FYB1: variants seen among roughly 807,000 people sequenced by gnomAD.
FYB1 encodes FYN-binding protein 1.
A neutral mutation model predicts 94.1 loss-of-function variants in FYB1; 41 were observed. The observed-to-expected ratio is 0.44, with a 90% CI of 0.34 to 0.57. The LOEUF is 0.57. FYB1 is among the 20% of genes least tolerant of loss of function. The probability of loss-of-function intolerance (pLI) is 0.02; values close to 1 mark genes in which losing one functional copy is unlikely to be tolerated. For missense variants in FYB1, 1,050 were observed against 976.8 expected, an observed-to-expected ratio of 1.07 and a Z score of -1.00; for synonymous variants, 367 against 353.2, an observed-to-expected ratio of 1.04 and a Z score of -0.44.
intron 9 of FYB1, among the ~76,000 whole-genome samples, chr5:39,130,848 G>T (rs564954434): frequency 6.6e-6 from 1 of 152,164 alleles, no homozygotes; most frequent in African/African-American, 2.4e-5. Context: ...CACTATATAT[G>T]ATATAGAAAA....
chr5:39,242,248 T>C (rs1426464740), intron 1 of FYB1, among the ~76,000 whole-genome samples: 2 of 151,922 alleles, frequency 1.3e-5, no homozygotes, highest in Admixed American at 6.6e-5. Flanking sequence ...TATTAACTTG[T>C]CATTTACATT....
upstream of FYB1, among the ~76,000 whole-genome samples, chr5:39,220,914 G>A (rs998811813): frequency 5.9e-5 from 9 of 152,268 alleles, no homozygotes; most frequent in Admixed American, 2.6e-4. Context: ...GACAATGATG[G>A]TAACAATGAT....
intron 2 of FYB1, among the ~76,000 whole-genome samples, chr5:39,159,768 C>T (rs548028447): frequency 6.6e-6 from 1 of 152,086 alleles, no homozygotes; most frequent in Non-Finnish European, 1.5e-5. Flanking sequence ...CCCATCAGTG[C>T]CTGCTTCCTT....
At position 39,143,678 on chromosome 5, in the gene FYB1, G is replaced by A. The variant is rs530016164; in HGVS notation, c.1293-2537C>T. 6.3e-4 allele frequency among the ~76,000 whole-genome samples: 96 copies of A among 152,262 alleles called. 1 individual carries two copies. The highest frequency in any genetic ancestry group is 2.2e-3 in the African/African-American group (93 of 41,558). ...GTAAAATGTGTGTTTCACCACATTT[G>A]AAGAATGTGGGCTGGAAGTGACTTT... On this transcript the variant is annotated intron_variant, in intron 3 of 18. Coordinates refer to ENST00000512982, the MANE Select transcript of FYB1 (RefSeq NM_001465.6).
chr5:39,195,221 C>A (rs369414885), intron 2 of FYB1, among the ~76,000 whole-genome samples: 26 of 152,174 alleles, frequency 1.7e-4, no homozygotes, highest in African/African-American at 5.8e-4. Context: ...AGAAATCTTG[C>A]TTTAAAGAAT....
At chr5:39,264,482 C>T (rs1347772451) in intron 1 of FYB1, among the ~76,000 whole-genome samples, 2 of 152,172 alleles carry the variant, frequency 1.3e-5, no homozygotes, top group Non-Finnish European at 2.9e-5. Context: ...AGCCTTAAGA[C>T]CCAGCATTCA....
At chr5:39,216,592 C>T (rs890258783) in intron 1 of FYB1, among the ~76,000 whole-genome samples, 4 of 152,096 alleles carry the variant, frequency 2.6e-5, no homozygotes, top group Non-Finnish European at 4.4e-5. Flanking sequence ...CAGTGTGTGT[C>T]GTTCCCCTCC....
chr5:39,181,157 ATGT>A lies in FYB1; in HGVS notation c.1135+20666_1135+20668del, dbSNP rs1746188167. On this transcript the variant is annotated intron_variant, in intron 2 of 18. Coordinates refer to ENST00000512982, the MANE Select transcript of FYB1 (RefSeq NM_001465.6). ...CACCATATAGAACAGAATACGTATG[ATGT>A]TGTGGGAAATATTAAGTAAGTTTTA... Among the ~76,000 whole-genome samples the A allele has an allele frequency of 2.0e-5, 3 of 152,332 alleles. No homozygotes were observed. The South Asian group carries it at 6.2e-4, about 32-fold the overall frequency.
At chr5:39,128,878 A>G (rs905704079) in intron 10 of FYB1, among the ~76,000 whole-genome samples, 3 of 152,176 alleles carry the variant, frequency 2.0e-5, no homozygotes, top group African/African-American at 7.2e-5. Context: ...AGAATAATTA[A>G]TATTGCTAAA....
At chr5:39,162,521 C>G (rs1483971773) in intron 2 of FYB1, among the ~76,000 whole-genome samples, 1 of 152,054 alleles carries the variant, frequency 6.6e-6, no homozygotes, top group Non-Finnish European at 1.5e-5. Context: ...CCCGTCTCTA[C>G]TAAAAATACA....
At chr5:39,170,372 T>A in intron 2 of FYB1, 1 of 856,056 alleles carries the variant, frequency 1.2e-6, no homozygotes, top group Non-Finnish European at 1.7e-6. Flanking sequence ...ACCTGAGGAC[T>A]CTGGGCCAGC....
chr5:39,176,594 T>A (rs1262477646), intron 2 of FYB1, among the ~76,000 whole-genome samples: 1 of 152,254 alleles, frequency 6.6e-6, no homozygotes, highest in African/African-American at 2.4e-5. Flanking sequence ...ATCATATGAT[T>A]GGTCTTCATT....
chr5:39,258,492 T>C (rs1444805618), intron 1 of FYB1, among the ~76,000 whole-genome samples: 4 of 151,974 alleles, frequency 2.6e-5, no homozygotes, highest in Non-Finnish European at 5.9e-5. Context: ...TCCAGCTACC[T>C]GGGAGGCTGA....
Position 39,217,719 on chromosome 5 carries a change from C to T in FYB1, c.-28+1724G>A, listed in dbSNP as rs570798416. Among the ~76,000 whole-genome samples the T allele has an allele frequency of 1.8e-3, 280 of 152,266 alleles. 4 individuals are homozygous for T. In the South Asian group the frequency reaches 0.029, roughly 16 times the overall value. On this transcript the variant is annotated intron_variant, in intron 1 of 18. Coordinates refer to ENST00000512982, the MANE Select transcript of FYB1 (RefSeq NM_001465.6). ...TGGAGTCACAGTCTTAACCGCAACC[C>T]CTGGAACCACAGCCCAAACCCGCCA...
At chr5:39,217,526 C>A (rs182818988) in intron 1 of FYB1, among the ~76,000 whole-genome samples, 84 of 152,290 alleles carry the variant, frequency 5.5e-4, no homozygotes, top group African/African-American at 1.8e-3. Context: ...GGGCCAGGTG[C>A]TGTGCTAGGA....
intron 16 of FYB1, among the ~76,000 whole-genome samples, chr5:39,114,364 G>C (rs972786341): frequency 8.5e-5 from 13 of 152,154 alleles, no homozygotes; most frequent in African/African-American, 3.1e-4. Context: ...ACAAGTCAAT[G>C]GGTGAGACTT....
chr5:39,248,551 A>G (rs376028558), intron 1 of FYB1, among the ~76,000 whole-genome samples: 1 of 152,148 alleles, frequency 6.6e-6, no homozygotes, highest in African/African-American at 2.4e-5. Flanking sequence ...CAAAACAGCA[A>G]GTATTGGCCG....
intron 1 of FYB1, among the ~76,000 whole-genome samples, chr5:39,244,080 TCTG>T (rs1275127601): frequency 3.9e-5 from 6 of 152,172 alleles, no homozygotes; most frequent in Non-Finnish European, 8.8e-5. Flanking sequence ...AATCATGTCA[TCTG>T]CAAACAGGGA....
intron 1 of FYB1, among the ~76,000 whole-genome samples, chr5:39,245,859 C>T (rs1751455433): frequency 6.6e-6 from 1 of 152,160 alleles, no homozygotes; most frequent in Non-Finnish European, 1.5e-5. Flanking sequence ...CTTGGTCTCC[C>T]AAAGTGGTGG....
Sources: allele counts gnomAD v4.1 joint callset (sites outside exome capture counted in the v4.1 genomes callset), GRCh38; gene constraint gnomAD v4.1.1; transcripts MANE v1.5; gene names NCBI Gene and HGNC (gene_info 2026-07-23, HGNC 2026-07-21).